Variants in NOSIP observed in about 807,000 individuals in gnomAD.
The protein encoded by NOSIP is nitric oxide synthase interacting protein.
Under a neutral mutation model 36.4 loss-of-function variants are expected in NOSIP, and 25 were observed. That is an observed-to-expected ratio of 0.69 (90% CI 0.50 to 0.96). The LOEUF (loss-of-function observed/expected upper bound fraction) is 0.96, where lower values mean the gene tolerates loss of function less well. Among genes scored for constraint, NOSIP ranks in the 40% least tolerant of loss-of-function variants. The pLI, the probability that NOSIP is intolerant of heterozygous loss-of-function variation, is 0.00. For synonymous variants in NOSIP, 187 were observed against 179.2 expected (o/e 1.04, Z -0.35); for missense variants, 370 against 429.0 (o/e 0.86, Z 1.21).
In NOSIP at chr19:49,556,632, G is replaced by T; in HGVS notation, c.642C>A (p.Leu214=). Residue 214 remains leucine, a synonymous_variant, in exon 7 of 9, where the codon CTC becomes CTA. Coordinates refer to ENST00000596358, the MANE Select transcript of NOSIP (RefSeq NM_001270960.2). The part of the protein sequence containing the change: ...PLDSSVDRVG[L]ITRSERYVCA... Reference sequence around the variant, plus strand: ...ACACGTAGCGCTCGCTGCGGGTGATGAGCCCCACGCGGTCCACGGAGCTGT... The same window carrying T: ...ACACGTAGCGCTCGCTGCGGGTGATTAGCCCCACGCGGTCCACGGAGCTGT... 6.2e-7 allele frequency: 1 copy of T among 1,609,744 alleles called. No homozygotes were observed.
At chr19:49,568,101 C>T (rs1199317924) in intron 1 of NOSIP, among the ~76,000 whole-genome samples, 1 of 152,164 alleles carries the variant, frequency 6.6e-6, no homozygotes, top group Non-Finnish European at 1.5e-5. Flanking sequence ...AGGATTGTGT[C>T]ACAATCCTCG....
At chr19:49,578,079 T>C (rs1409317587) in intron 1 of NOSIP, among the ~76,000 whole-genome samples, 1 of 152,148 alleles carries the variant, frequency 6.6e-6, no homozygotes, top group Non-Finnish European at 1.5e-5. Context: ...CACTGAATTG[T>C]ATATTTTCAA....
rs772064230 is a variant in NOSIP, at chr19:49,556,920, G to A, written c.492C>T (p.Ile164=). The change falls in exon 6 of 9, where the codon ATC becomes ATT. Residue 164 remains isoleucine, a synonymous_variant. Transcript: ENST00000596358. ...DKDKVLPSFW[I]PSLTPEAKAT... ...CCTTGGCTTCGGGCGTCAGCGACGG[G>A]ATCCAGAAGCTGGGCAGCACTTTGT... 1 of 1,613,596 alleles carries A rather than the reference G, an allele frequency of 6.2e-7. No homozygotes were observed. The highest frequency in any genetic ancestry group is 8.5e-7 in the Non-Finnish European group (1 of 1,179,742).
intron 3 of NOSIP, 144 bp downstream of exon 3, chr19:49,559,790 T>C (rs922612305): frequency 1.5e-6 from 1 of 680,492 alleles, no homozygotes; most frequent in East Asian, 2.7e-5. Flanking sequence ...CCATGTCCCA[T>C]GTGAGAATAC....
At chr19:49,566,012 CTTTCT>C (rs1016560159) in intron 1 of NOSIP, among the ~76,000 whole-genome samples, 1 of 151,080 alleles carries the variant, frequency 6.6e-6, no homozygotes, top group African/African-American at 2.4e-5. Context: ...TTTTTTCTTT[CTTTCT>C]TTTCTTCTTC....
rs2080261281 is a variant in NOSIP at position 49,557,070 on chromosome 19, A to G, written c.418+20T>C. The G allele has an allele frequency of 1.2e-6, 2 of 1,605,748 alleles. No individual in the cohort carries two copies. The highest frequency in any genetic ancestry group is 1.7e-6 in the Non-Finnish European group (2 of 1,175,954). ...GCGGCGCCCCGCCCCCCAACCCACA[A>G]GAAGCCCAACCTGAGTCACCTGGGC... On this transcript the variant is annotated intron_variant, in intron 5 of 8. Coordinates refer to ENST00000596358, the MANE Select transcript of NOSIP (RefSeq NM_001270960.2).
intron 3 of NOSIP, 96 bp from the exon 4 acceptor site, chr19:49,559,074 G>C (rs140289937): frequency 1.1e-6 from 1 of 933,296 alleles, no homozygotes; most frequent in Non-Finnish European, 1.7e-6. Context: ...ATCATGATCA[G>C]TCCCAAGTTC....
chr19:49,567,210 C>G (rs1278648373), intron 1 of NOSIP, among the ~76,000 whole-genome samples: 1 of 150,476 alleles, frequency 6.6e-6, no homozygotes, highest in Non-Finnish European at 1.5e-5. Context: ...GCAAGCTCCA[C>G]CTCCCGGGTT....
intron 5 of NOSIP, 42 bp from the exon 6 acceptor site, chr19:49,557,035 C>T (rs200095228): frequency 1.8e-5 from 28 of 1,589,556 alleles, no homozygotes; most frequent in Non-Finnish European, 2.3e-5. Context: ...CCCCTGGGCC[C>T]GCCCAGCCCG....
chr19:49,559,332 C>A (rs2080299658), intron 3 of NOSIP: 1 of 211,452 alleles, frequency 4.7e-6, no homozygotes. Context: ...GCCTGGGCAA[C>A]AAAGTGAGCT....
intron 1 of NOSIP, among the ~76,000 whole-genome samples, chr19:49,568,380 C>T (rs1025575139): frequency 6.6e-6 from 1 of 152,006 alleles, no homozygotes; most frequent in Non-Finnish European, 1.5e-5. Context: ...TCCTAACACC[C>T]GGGGAACTGC....
intron 1 of NOSIP, among the ~76,000 whole-genome samples, chr19:49,567,800 C>A (rs1191840942): frequency 2.6e-5 from 4 of 152,006 alleles, no homozygotes; most frequent in East Asian, 3.9e-4. Flanking sequence ...GCCTCCCCAG[C>A]AGCTGAGATG....
At chr19:49,575,155 G>A (rs757162441) in intron 1 of NOSIP, among the ~76,000 whole-genome samples, 7 of 152,058 alleles carry the variant, frequency 4.6e-5, no homozygotes, top group African/African-American at 1.2e-4. Flanking sequence ...GAGCCACTGC[G>A]CCCGGCCTCA....
chr19:49,578,808 G>A (rs764826192), intron 1 of NOSIP, among the ~76,000 whole-genome samples: 15 of 151,814 alleles, frequency 9.9e-5, no homozygotes, highest in East Asian at 7.8e-4. Flanking sequence ...CATCATGCCC[G>A]GCTAAGGGGT....
intron 1 of NOSIP, among the ~76,000 whole-genome samples, chr19:49,569,094 G>A (rs2080450639): frequency 6.7e-6 from 1 of 149,208 alleles, no homozygotes; most frequent in African/African-American, 2.5e-5. Context: ...AGCCCACTGC[G>A]CCCGGCCTGG....
Position 49,555,682 on chromosome 19 carries a change from CCCACG to C in NOSIP, c.*64_*68del. The C allele has an allele frequency of 7.3e-7, 1 of 1,373,660 alleles. No homozygotes were observed. The highest frequency in any genetic ancestry group is 1.4e-5 in the African/African-American group (1 of 70,326). The allele number at this position is 1,373,660 out of a possible 1,614,324, so 85.1% of individuals were successfully genotyped here. A position where few individuals can be genotyped will look rare whatever the true frequency, so the allele number is the denominator to read the frequency against. ...CCTCGCCTGCCCTGTCCCCGGGGCG[CCCACG>C]CCGCGAATGAAGGCGCCACGTCGTT... On this transcript the variant is annotated 3_prime_UTR_variant, in exon 9 of 9. Coordinates refer to ENST00000596358, the MANE Select transcript of NOSIP (RefSeq NM_001270960.2).
At chr19:49,562,495 T>C (rs1202120852) in intron 1 of NOSIP, among the ~76,000 whole-genome samples, 2 of 151,988 alleles carry the variant, frequency 1.3e-5, no homozygotes, top group Non-Finnish European at 2.9e-5. Context: ...TCCCAAAACT[T>C]TGGGAGGCTG....
chr19:49,570,376 C>G (rs569943136), intron 1 of NOSIP, among the ~76,000 whole-genome samples: 6 of 152,124 alleles, frequency 3.9e-5, no homozygotes, highest in African/African-American at 7.2e-5. Flanking sequence ...TCTCTCTCCC[C>G]CTACTGGCGT....
intron 1 of NOSIP, among the ~76,000 whole-genome samples, chr19:49,575,016 C>T (rs2080533159): frequency 6.6e-6 from 1 of 152,084 alleles, no homozygotes; most frequent in Non-Finnish European, 1.5e-5. Context: ...GCGCCCGCCA[C>T]CATGCCCGGC....
Sources: gnomAD v4.1 joint callset for allele counts (sites outside exome capture counted in the v4.1 genomes callset) on GRCh38, gnomAD v4.1.1 for gene constraint, MANE v1.5 for transcripts, NCBI Gene and HGNC (gene_info 2026-07-23, HGNC 2026-07-21) for gene names.